Variants in CNBD1 observed in about 807,000 individuals in gnomAD.
The protein encoded by CNBD1 is cyclic nucleotide-binding domain-containing protein 1.
A neutral mutation model predicts 54.4 loss-of-function variants in CNBD1; 71 were observed. That is an observed-to-expected ratio of 1.30 (90% CI 1.08 to 1.59). The LOEUF is 1.59. CNBD1 is among the 40% of genes most tolerant of loss of function. The pLI is 0.00. For synonymous variants in CNBD1, 182 were observed against 170.7 expected (o/e 1.07, Z -0.51); for missense variants, 659 against 518.0 (o/e 1.27, Z -2.64).
intron 5 of CNBD1, among the ~76,000 whole-genome samples, chr8:87,206,625 A>G (rs1008332602): frequency 1.3e-5 from 2 of 152,176 alleles, no homozygotes; most frequent in Non-Finnish European, 2.9e-5. Context: ...ACCCAGATAT[A>G]GGGAAAAAAG....
chr8:87,308,774 T>G (rs1423416788), intron 8 of CNBD1, among the ~76,000 whole-genome samples: 1 of 152,140 alleles, frequency 6.6e-6, no homozygotes, highest in Non-Finnish European at 1.5e-5. Flanking sequence ...CTCATATTGA[T>G]AATTCTACTC....
intron 2 of CNBD1, among the ~76,000 whole-genome samples, chr8:87,427,935 A>G (rs974218208): frequency 1.3e-5 from 2 of 152,102 alleles, no homozygotes; most frequent in Non-Finnish European, 2.9e-5. Flanking sequence ...ACCTTCACCA[A>G]AGCCCCCCCA....
intron 10 of CNBD1, among the ~76,000 whole-genome samples, chr8:87,355,541 G>T (rs1022697952): frequency 6.6e-6 from 1 of 152,020 alleles, no homozygotes; most frequent in Non-Finnish European, 1.5e-5. Context: ...ACTCAAATTG[G>T]AAATACAATT....
At chr8:87,087,289 A>AT (rs1346151385) in intron 4 of CNBD1, among the ~76,000 whole-genome samples, 7 of 145,540 alleles carry the variant, frequency 4.8e-5, no homozygotes, top group African/African-American at 1.8e-4. Context: ...ATATATATAT[A>AT]TATTTTTTAT....
chr8:87,415,521 C>T (rs1008740739), intron 2 of CNBD1, among the ~76,000 whole-genome samples: 1 of 152,020 alleles, frequency 6.6e-6, no homozygotes, highest in African/African-American at 2.4e-5. Context: ...CTTTGAGCCT[C>T]ATCATGACAC....
At chr8:87,212,470 C>A (rs1489932268) in intron 5 of CNBD1, among the ~76,000 whole-genome samples, 1 of 151,998 alleles carries the variant, frequency 6.6e-6, no homozygotes, top group African/African-American at 2.4e-5. Flanking sequence ...TTACTACAAA[C>A]CTATAGTAAC....
In CNBD1 at chr8:87,423,083, G is replaced by T. The variant is rs538775766; in HGVS notation, c.214-5463G>T. 3.2e-3 allele frequency among the ~76,000 whole-genome samples: 490 copies of T among 152,024 alleles called. 4 individuals are homozygous for T. The highest frequency in any genetic ancestry group is 0.011 in the African/African-American group (467 of 41,464). On this transcript the variant is annotated intron_variant, in intron 2 of 7. Transcript: ENST00000521593. Reference sequence around the variant, plus strand: ...TGATTTGGCTCTCTGTTTGTCTGTTGTTGGTGTATAGGAATGCTTGTGATT... The same window carrying T: ...TGATTTGGCTCTCTGTTTGTCTGTTTTTGGTGTATAGGAATGCTTGTGATT...
intron 4 of CNBD1, among the ~76,000 whole-genome samples, chr8:87,110,338 C>T (rs1811636945): frequency 6.6e-6 from 1 of 152,164 alleles, no homozygotes; most frequent in Non-Finnish European, 1.5e-5. Flanking sequence ...GCTGTGTGGC[C>T]TAAGCATATT....
intron 8 of CNBD1, among the ~76,000 whole-genome samples, chr8:87,315,757 T>C (rs1180392318): frequency 1.3e-5 from 2 of 152,000 alleles, no homozygotes; most frequent in Non-Finnish European, 2.9e-5. Flanking sequence ...TTTCAAAATA[T>C]AGTTAGATTG....
intron 5 of CNBD1, among the ~76,000 whole-genome samples, chr8:87,219,480 A>G (rs1814280255): frequency 6.6e-6 from 1 of 151,982 alleles, no homozygotes; most frequent in Admixed American, 6.6e-5. Flanking sequence ...TTAACCACAA[A>G]TCAATGAATA....
intron 6 of CNBD1, among the ~76,000 whole-genome samples, chr8:87,260,209 C>T (rs11784844): frequency 0.29 from 44,683 of 152,030 alleles, 7,266 homozygotes; most frequent in African/African-American, 0.43. Flanking sequence ...GAGCTAATTA[C>T]GACCTGAACC....
intron 4 of CNBD1, among the ~76,000 whole-genome samples, chr8:87,076,837 G>C (rs1280249146): frequency 2.6e-5 from 4 of 152,120 alleles, no homozygotes; most frequent in Non-Finnish European, 5.9e-5. Flanking sequence ...AGATTTATTT[G>C]AGAAATTCAA....
chr8:87,402,751 G>T (rs1305013768), intron 2 of CNBD1, among the ~76,000 whole-genome samples: 1 of 152,040 alleles, frequency 6.6e-6, no homozygotes, highest in Non-Finnish European at 1.5e-5. Context: ...AAGTGTTTTA[G>T]GGAAGTGAAA....
At chr8:87,021,578 TGGACTAAGTGCCTCCAA>T (rs1262620568) in intron 4 of CNBD1, among the ~76,000 whole-genome samples, 1 of 152,230 alleles carries the variant, frequency 6.6e-6, no homozygotes, top group East Asian at 1.9e-4. Flanking sequence ...TTCTCAGCTA[TGGACTAAGTGCCTCCAA>T]GGCACATTTC....
chr8:87,304,174 G>T (rs1809086589), intron 8 of CNBD1, among the ~76,000 whole-genome samples: 1 of 151,840 alleles, frequency 6.6e-6, no homozygotes, highest in Non-Finnish European at 1.5e-5. Flanking sequence ...CTGCTATAAA[G>T]ACACATGCAC....
chr8:87,178,457 G>C (rs961755239), intron 4 of CNBD1, among the ~76,000 whole-genome samples: 1 of 152,174 alleles, frequency 6.6e-6, no homozygotes, highest in African/African-American at 2.4e-5. Context: ...AGTTTGCTTG[G>C]TATATGAGAG....
intron 3 of CNBD1, among the ~76,000 whole-genome samples, chr8:86,916,191 A>G (rs908603273): frequency 1.3e-5 from 2 of 152,192 alleles, no homozygotes; most frequent in Non-Finnish European, 2.9e-5. Flanking sequence ...ACTAAGGGGC[A>G]TGAGGCAGAA....
chr8:87,352,799 A>T (rs552181193), intron 9 of CNBD1, among the ~76,000 whole-genome samples: 1 of 152,310 alleles, frequency 6.6e-6, no homozygotes, highest in East Asian at 1.9e-4. Flanking sequence ...GAATTCAATT[A>T]AATATCTAAA....
At position 87,338,619 on chromosome 8, in the gene CNBD1, G is replaced by GTTT. The variant is rs71277935; in HGVS notation, c.1043-13057_1043-13055dup. ...CTCTGCTTTCTTTCATTTTTTCTTT[G>GTTT]TTTTTTTTTTTCTAGTTTGAAAAGT... On this transcript the variant is annotated intron_variant, in intron 8 of 10. Transcript: ENST00000518476. Among the ~76,000 whole-genome samples, 899 of 139,966 alleles carry GTTT rather than the reference G, an allele frequency of 6.4e-3. 9 individuals are homozygous for GTTT. The highest frequency in any genetic ancestry group is 0.016 in the African/African-American group (587 of 36,834). 91.8% of individuals were successfully genotyped at this position (139,966 alleles called of 152,430 possible).
Sources: allele counts gnomAD v4.1 joint callset (sites outside exome capture counted in the v4.1 genomes callset), GRCh38; gene constraint gnomAD v4.1.1; transcripts MANE v1.5; gene names NCBI Gene and HGNC (gene_info 2026-07-23, HGNC 2026-07-21).